PCCA: variants seen among roughly 807,000 people sequenced by gnomAD.
PCCA encodes the protein propionyl-CoA carboxylase subunit alpha.
PCCA carries 74 observed loss-of-function variants against 101.3 expected under a neutral mutation model. The ratio of observed to expected loss-of-function variants is 0.73; its 90% CI spans 0.61 to 0.89. The LOEUF is 0.89. Ranked by LOEUF, PCCA falls within the 40% of genes least tolerant of loss-of-function variation. The probability of loss-of-function intolerance (pLI) is 0.00; values close to 1 mark genes in which losing one functional copy is unlikely to be tolerated. For synonymous variants in PCCA, 294 were observed against 313.6 expected, an observed-to-expected ratio of 0.94 and a Z score of 0.66; for missense variants, 891 against 907.0, an observed-to-expected ratio of 0.98 and a Z score of 0.23.
chr13:100,268,370 A>G (rs909496744), intron 10 of PCCA, among the ~76,000 whole-genome samples: 1 of 152,208 alleles, frequency 6.6e-6, no homozygotes, highest in Non-Finnish European at 1.5e-5. Flanking sequence ...ATTGACATCC[A>G]GTGTTTATCC....
intron 12 of PCCA, among the ~76,000 whole-genome samples, chr13:100,276,053 C>T (rs900683680): frequency 2.6e-5 from 4 of 151,744 alleles, no homozygotes; most frequent in African/African-American, 9.7e-5. Context: ...CTTTATGTTG[C>T]CTTGTTCATG....
At chr13:100,457,193 A>G (rs1374593750) in intron 21 of PCCA, among the ~76,000 whole-genome samples, 1 of 152,184 alleles carries the variant, frequency 6.6e-6, no homozygotes, top group Non-Finnish European at 1.5e-5. Context: ...AATGTCCATG[A>G]TCATCTCTAT....
At chr13:100,356,291 T>C (rs1044069221) in intron 18 of PCCA, among the ~76,000 whole-genome samples, 8 of 151,880 alleles carry the variant, frequency 5.3e-5, no homozygotes, top group Admixed American at 4.6e-4. Flanking sequence ...AAACTTGTGC[T>C]TTAAAGGACA....
At chr13:100,333,316 G>T (rs2069929537) in intron 17 of PCCA, among the ~76,000 whole-genome samples, 1 of 152,178 alleles carries the variant, frequency 6.6e-6, no homozygotes, top group Non-Finnish European at 1.5e-5. Context: ...CCATATGTTT[G>T]GGGCCAGGTC....
At position 100,341,957 on chromosome 13, in the gene PCCA, G is replaced by GTATATATATATATATATATATATA. The variant is rs35822001; in HGVS notation, c.1643+1700_1643+1723dup. ...TAATGTTTTGGTAGAACCCTTCAAA[G>GTATATATATATATATATATATATA]TATATATATATATATATATATATAT... On this transcript the variant is annotated intron_variant, in intron 18 of 23. Coordinates refer to ENST00000376285, the MANE Select transcript of PCCA (RefSeq NM_000282.4). 2.2e-3 allele frequency among the ~76,000 whole-genome samples: 232 copies of GTATATATATATATATATATATATA among 107,044 alleles called. 5 individuals are homozygous for GTATATATATATATATATATATATA. Among genetic ancestry groups the GTATATATATATATATATATATATA allele is most frequent in the African/African-American group, 8.7e-3 (203 of 23,296 alleles). 70.2% of individuals were successfully genotyped at this position (107,044 alleles called of 152,430 possible). A position where few individuals can be genotyped will look rare whatever the true frequency, so the allele number is the denominator to read the frequency against.
intron 22 of PCCA, among the ~76,000 whole-genome samples, chr13:100,523,695 G>A (rs754011236): frequency 2.0e-5 from 3 of 152,190 alleles, no homozygotes; most frequent in Admixed American, 1.3e-4. Flanking sequence ...AGGAGAGGAC[G>A]CAATAAGCTG....
chr13:100,274,549 TGGGGGGTTG>T (rs1398470410), intron 12 of PCCA, among the ~76,000 whole-genome samples: 9 of 152,136 alleles, frequency 5.9e-5, no homozygotes, highest in African/African-American at 1.9e-4. Context: ...GGTTCCTTCC[TGGGGGGTTG>T]GAGGGAGAAT....
intron 6 of PCCA, among the ~76,000 whole-genome samples, chr13:100,178,459 C>T (rs1000999607): frequency 6.6e-5 from 10 of 152,180 alleles, no homozygotes; most frequent in Non-Finnish European, 7.3e-5. Context: ...ATTTGCTTCT[C>T]AATCCATAAG....
At chr13:100,268,292 C>T (rs9513743) in intron 10 of PCCA, among the ~76,000 whole-genome samples, 48,284 of 152,050 alleles carry the variant, frequency 0.32, 9,361 homozygotes, top group East Asian at 0.62. Flanking sequence ...TCCCAATCAA[C>T]AGACATTTAA....
chr13:100,093,261 G>A (rs1339256628), intron 1 of PCCA, among the ~76,000 whole-genome samples: 1 of 152,168 alleles, frequency 6.6e-6, no homozygotes, highest in Non-Finnish European at 1.5e-5. Flanking sequence ...TACGAGGCTA[G>A]AGTTAGAGTT....
At chr13:100,398,699 G>A (rs774708200) in intron 19 of PCCA, among the ~76,000 whole-genome samples, 3 of 152,028 alleles carry the variant, frequency 2.0e-5, no homozygotes, top group South Asian at 2.1e-4. Flanking sequence ...AGGAAAAGTA[G>A]CAATTTAAGT....
At chr13:100,477,963 G>T (rs1286890908) in intron 21 of PCCA, among the ~76,000 whole-genome samples, 1 of 152,246 alleles carries the variant, frequency 6.6e-6, no homozygotes, top group Non-Finnish European at 1.5e-5. Context: ...GCAGTACCCA[G>T]CCCTGCGCTG....
intron 14 of PCCA, chr13:100,305,907 T>C (rs906339238): frequency 8.2e-6 from 3 of 367,618 alleles, no homozygotes; most frequent in Non-Finnish European, 1.6e-5. Flanking sequence ...TACAGATATC[T>C]ATATTTTTGT....
intron 8 of PCCA, among the ~76,000 whole-genome samples, chr13:100,241,855 G>A (rs919581767): frequency 2.0e-5 from 3 of 152,094 alleles, no homozygotes; most frequent in African/African-American, 7.2e-5. Context: ...TTATGTCCAT[G>A]TATTTGTTTG....
chr13:100,511,089 T>C (rs1414699826), intron 21 of PCCA, among the ~76,000 whole-genome samples: 1 of 152,216 alleles, frequency 6.6e-6, no homozygotes, highest in Non-Finnish European at 1.5e-5. Flanking sequence ...CTTGCTCTGC[T>C]TTTCCTCAAG....
At chr13:100,369,481 T>A (rs2075427418) in intron 19 of PCCA, among the ~76,000 whole-genome samples, 1 of 152,178 alleles carries the variant, frequency 6.6e-6, no homozygotes. Context: ...TCATGAGAAT[T>A]CATTCATTCC....
intron 21 of PCCA, among the ~76,000 whole-genome samples, chr13:100,461,054 A>G (rs1399778568): frequency 1.3e-5 from 2 of 152,216 alleles, no homozygotes; most frequent in African/African-American, 4.8e-5. Flanking sequence ...TGGTCTGCAT[A>G]TTTCCATAAT....
chr13:100,493,641 AG>A (rs569624038), intron 21 of PCCA, among the ~76,000 whole-genome samples: 18 of 152,340 alleles, frequency 1.2e-4, no homozygotes, highest in Middle Eastern at 6.8e-3. Context: ...ATATAGAATT[AG>A]TCAAAAGAAA....
At chr13:100,232,464 C>T (rs909332091) in intron 7 of PCCA, among the ~76,000 whole-genome samples, 2 of 151,770 alleles carry the variant, frequency 1.3e-5, no homozygotes, top group Admixed American at 6.6e-5. Flanking sequence ...CACTGCAGCT[C>T]TGACCTCCTG....
Sources: allele counts gnomAD v4.1 joint callset (sites outside exome capture counted in the v4.1 genomes callset), GRCh38; gene constraint gnomAD v4.1.1; transcripts MANE v1.5; gene names NCBI Gene and HGNC (gene_info 2026-07-23, HGNC 2026-07-21).